The following PARD3 variants were observed in gnomAD, a reference collection of about 807,000 sequenced individuals.
The protein encoded by PARD3 is partitioning defective 3 homolog.
PARD3 carries 75 observed loss-of-function variants against 155.4 expected under a neutral mutation model. The ratio of observed to expected loss-of-function variants is 0.48; its 90% confidence interval spans 0.40 to 0.58. The LOEUF (loss-of-function observed/expected upper bound fraction) is 0.58, where lower values mean the gene tolerates loss of function less well. Among genes scored for constraint, PARD3 ranks in the 20% least tolerant of loss-of-function variants. The pLI, the probability that PARD3 is intolerant of heterozygous loss-of-function variation, is 0.00. For synonymous variants in PARD3, 576 were observed against 610.5 expected, an observed-to-expected ratio of 0.94 and a Z score of 0.83; for missense variants, 1,642 against 1,721.7, an observed-to-expected ratio of 0.95 and a Z score of 0.82.
At chr10:34,227,519 TCCCAG>T (rs1952658999) in intron 22 of PARD3, among the ~76,000 whole-genome samples, 1 of 152,102 alleles carries the variant, frequency 6.6e-6, no homozygotes, top group South Asian at 2.1e-4. Flanking sequence ...ATGCCTGTAA[TCCCAG>T]CTACTCAGGA....
chr10:34,687,363 T>A (rs2093968864), intron 2 of PARD3, among the ~76,000 whole-genome samples: 1 of 152,142 alleles, frequency 6.6e-6, no homozygotes, highest in South Asian at 2.1e-4. Flanking sequence ...TGATCCCCAA[T>A]AAGTTTTTTA....
chr10:34,162,746 G>C (rs1051682260), intron 22 of PARD3, among the ~76,000 whole-genome samples: 2 of 152,150 alleles, frequency 1.3e-5, no homozygotes, highest in Non-Finnish European at 2.9e-5. Context: ...GAAATGACTA[G>C]TAAGGAAACT....
chr10:34,768,401 C>G (rs28655112), intron 1 of PARD3, among the ~76,000 whole-genome samples: 7 of 142,424 alleles, frequency 4.9e-5, no homozygotes, highest in African/African-American at 1.9e-4. Context: ...CGGGACAACT[C>G]GAAGCAAAGG....
At chr10:34,341,356 G>A (rs1012048852) in intron 16 of PARD3, among the ~76,000 whole-genome samples, 2 of 152,112 alleles carry the variant, frequency 1.3e-5, no homozygotes, top group African/African-American at 4.8e-5. Context: ...AAATCATAAA[G>A]TGAAAGTGAA....
intron 5 of PARD3, among the ~76,000 whole-genome samples, chr10:34,428,723 C>T (rs2075750569): frequency 6.6e-6 from 1 of 152,128 alleles, no homozygotes; most frequent in South Asian, 2.1e-4. Context: ...AGTGGTTTTG[C>T]TAAATCAAAT....
At chr10:34,482,032 C>CATTT in intron 3 of PARD3, among the ~76,000 whole-genome samples, 1 of 101,578 alleles carries the variant, frequency 9.8e-6, no homozygotes, top group African/African-American at 4.9e-5. Context: ...TAATTTTTAT[C>CATTT]TTTTTTTTTT....
chr10:34,491,787 T>G (rs2079926659), intron 3 of PARD3, among the ~76,000 whole-genome samples: 1 of 152,256 alleles, frequency 6.6e-6, no homozygotes, highest in Admixed American at 6.5e-5. Context: ...GTAGCACTTT[T>G]ACAACTCTAA....
intron 22 of PARD3, among the ~76,000 whole-genome samples, chr10:34,266,871 A>T (rs1955338470): frequency 6.6e-6 from 1 of 152,148 alleles, no homozygotes; most frequent in Non-Finnish European, 1.5e-5. Flanking sequence ...ATTTGCAGAC[A>T]TTTACATGCA....
chr10:34,630,372 AC>A (rs1330850665), intron 2 of PARD3, among the ~76,000 whole-genome samples: 1 of 151,762 alleles, frequency 6.6e-6, no homozygotes, highest in East Asian at 1.9e-4. Flanking sequence ...CAACCTCCAA[AC>A]ACCCATGACC....
chr10:34,319,791 G>A (rs1183868954), intron 19 of PARD3, among the ~76,000 whole-genome samples: 2 of 152,200 alleles, frequency 1.3e-5, no homozygotes, highest in Admixed American at 1.3e-4. Context: ...CTATCTGCTT[G>A]TGAACCAGTA....
chr10:34,296,639 C>T (rs1956925207), intron 20 of PARD3, among the ~76,000 whole-genome samples: 1 of 152,126 alleles, frequency 6.6e-6, no homozygotes, highest in Non-Finnish European at 1.5e-5. Context: ...GTAATTTGGA[C>T]TCTTAAACGT....
intron 22 of PARD3, among the ~76,000 whole-genome samples, chr10:34,144,544 A>C (rs1948362146): frequency 6.6e-6 from 1 of 152,210 alleles, no homozygotes; most frequent in South Asian, 2.1e-4. Flanking sequence ...ACAAAGCAAA[A>C]GCTAGGAATT....
intron 1 of PARD3, among the ~76,000 whole-genome samples, chr10:34,740,400 C>G (rs1054458190): frequency 1.3e-5 from 2 of 152,250 alleles, no homozygotes; most frequent in African/African-American, 2.4e-5. Context: ...ACATATCCTT[C>G]TGATGCCACC....
At chr10:34,318,973 G>C (rs1467989527) in intron 19 of PARD3, among the ~76,000 whole-genome samples, 3 of 150,306 alleles carry the variant, frequency 2.0e-5, no homozygotes, top group Non-Finnish European at 4.4e-5. Context: ...TAGTAGTAGA[G>C]TTTCACTATG....
At chr10:34,655,599 A>G (rs570147526) in intron 2 of PARD3, among the ~76,000 whole-genome samples, 1 of 152,258 alleles carries the variant, frequency 6.6e-6, no homozygotes, top group South Asian at 2.1e-4. Flanking sequence ...GCTATTCTCT[A>G]CCAACCCCGC....
At chr10:34,715,228 C>T (rs1361749198) in intron 1 of PARD3, among the ~76,000 whole-genome samples, 2 of 152,050 alleles carry the variant, frequency 1.3e-5, no homozygotes, top group Non-Finnish European at 2.9e-5. Flanking sequence ...CAGGTACACA[C>T]CACCACGCCC....
intron 22 of PARD3, among the ~76,000 whole-genome samples, chr10:34,213,711 A>G (rs1951864856): frequency 6.6e-6 from 1 of 152,184 alleles, no homozygotes; most frequent in African/African-American, 2.4e-5. Context: ...ACATGATACC[A>G]GGGATAAAGG....
chr10:34,526,300 C>T (rs2082479370), intron 2 of PARD3, among the ~76,000 whole-genome samples: 1 of 151,996 alleles, frequency 6.6e-6, no homozygotes, highest in Non-Finnish European at 1.5e-5. Flanking sequence ...CATCTTCTTC[C>T]TAATCTCCAC....
intron 22 of PARD3, among the ~76,000 whole-genome samples, chr10:34,226,048 G>T (rs1952583947): frequency 1.3e-5 from 2 of 151,930 alleles, no homozygotes; most frequent in African/African-American, 4.8e-5. Flanking sequence ...CTATTACAAA[G>T]ACTAGTACCC....
Sources: gnomAD v4.1 joint callset for allele counts (sites outside exome capture counted in the v4.1 genomes callset) on GRCh38, gnomAD v4.1.1 for gene constraint, MANE v1.5 for transcripts, NCBI Gene and HGNC (gene_info 2026-07-23, HGNC 2026-07-21) for gene names.